TNKS: variants seen among roughly 807,000 people sequenced by gnomAD.
TNKS encodes poly [ADP-ribose] polymerase tankyrase-1.
A neutral mutation model predicts 135.8 loss-of-function variants in TNKS; 72 were observed. The ratio of observed to expected loss-of-function variants is 0.53; its 90% CI spans 0.44 to 0.64. TNKS has a LOEUF of 0.64. Among genes scored for constraint, TNKS ranks in the 30% least tolerant of loss-of-function variants. The pLI, the probability that TNKS is intolerant of heterozygous loss-of-function variation, is 0.00. For synonymous variants in TNKS, 849 were observed against 649.3 expected, an observed-to-expected ratio of 1.31 and a Z score of -4.68; for missense variants, 1,769 against 1,674.0, an observed-to-expected ratio of 1.06 and a Z score of -0.99.
intron 12 of TNKS, among the ~76,000 whole-genome samples, chr8:9,722,066 AAAAG>A (rs1205271588): frequency 1.1e-4 from 8 of 73,600 alleles, no homozygotes; most frequent in Admixed American, 1.9e-4. Flanking sequence ...CAACAAAAAA[AAAAG>A]AAAAGAAAAG....
intron 11 of TNKS, among the ~76,000 whole-genome samples, chr8:9,715,219 C>G (rs959998717): frequency 1.3e-5 from 2 of 152,056 alleles, no homozygotes; most frequent in Non-Finnish European, 2.9e-5. Flanking sequence ...GAGATAGAAG[C>G]AGAGATATAT....
At chr8:9,751,582 G>T in intron 18 of TNKS, 27 bp from the exon 19 acceptor site, 1 of 1,590,494 alleles carries the variant, frequency 6.3e-7, no homozygotes. Flanking sequence ...GTATTTTCAT[G>T]GTTTTTGTTT....
At chr8:9,674,942 G>A (rs977843068) in intron 3 of TNKS, among the ~76,000 whole-genome samples, 2 of 152,084 alleles carry the variant, frequency 1.3e-5, no homozygotes, top group African/African-American at 2.4e-5. Flanking sequence ...ATATCTGATG[G>A]GATTAAAAAG....
chr8:9,759,268 C>T (rs1195756527), intron 20 of TNKS, among the ~76,000 whole-genome samples: 1 of 152,178 alleles, frequency 6.6e-6, no homozygotes, highest in Non-Finnish European at 1.5e-5. Flanking sequence ...CAGTCCAAAG[C>T]GTGAGCGCCC....
chr8:9,734,581 G>A (rs1045020506), intron 15 of TNKS, among the ~76,000 whole-genome samples: 1 of 152,074 alleles, frequency 6.6e-6, no homozygotes, highest in Non-Finnish European at 1.5e-5. Flanking sequence ...AGACAACTTG[G>A]AGTCTGAGAA....
At chr8:9,565,140 G>C (rs1797476611) in intron 1 of TNKS, among the ~76,000 whole-genome samples, 1 of 152,158 alleles carries the variant, frequency 6.6e-6, no homozygotes, top group Non-Finnish European at 1.5e-5. Context: ...GCGAGTTACT[G>C]AGTTCTCTTC....
intron 1 of TNKS, chr8:9,566,636 C>G (rs1338040730): frequency 1.7e-5 from 2 of 117,896 alleles, no homozygotes; most frequent in East Asian, 5.7e-4. Flanking sequence ...GAGTCTCGCT[C>G]TGTCGCCCAG....
intron 3 of TNKS, among the ~76,000 whole-genome samples, chr8:9,645,081 T>A (rs1800871375): frequency 6.6e-6 from 1 of 152,126 alleles, no homozygotes; most frequent in South Asian, 2.1e-4. Context: ...ACTGGTTCTG[T>A]GGTTGCAGAA....
intron 3 of TNKS, among the ~76,000 whole-genome samples, chr8:9,649,501 G>T (rs944599670): frequency 9.9e-5 from 15 of 151,916 alleles, no homozygotes; most frequent in African/African-American, 3.4e-4. Context: ...ATTGTTTTTG[G>T]GGGACAGGTG....
intron 3 of TNKS, among the ~76,000 whole-genome samples, chr8:9,643,905 T>A (rs1369326207): frequency 1.3e-5 from 2 of 152,032 alleles, no homozygotes; most frequent in African/African-American, 4.8e-5. Flanking sequence ...ATAAATAAAA[T>A]GTGGTATGGA....
chr8:9,676,313 C>G (rs1802532333), intron 3 of TNKS, among the ~76,000 whole-genome samples: 1 of 152,038 alleles, frequency 6.6e-6, no homozygotes. Context: ...ATGCCTGGCC[C>G]AGAATTCTTT....
chr8:9,720,170 A>G (rs1804802444), intron 11 of TNKS, among the ~76,000 whole-genome samples: 1 of 152,180 alleles, frequency 6.6e-6, no homozygotes, highest in Non-Finnish European at 1.5e-5. Context: ...GTATGTTGTA[A>G]TTTTCAGTAA....
At chr8:9,568,696 A>G (rs1437470739) in intron 1 of TNKS, among the ~76,000 whole-genome samples, 1 of 152,222 alleles carries the variant, frequency 6.6e-6, no homozygotes, top group Non-Finnish European at 1.5e-5. Context: ...ATTCTGGTAT[A>G]TTGTTTGGGT....
At chr8:9,588,337 G>T (rs1798464599) in intron 2 of TNKS, among the ~76,000 whole-genome samples, 1 of 151,986 alleles carries the variant, frequency 6.6e-6, no homozygotes. Flanking sequence ...TACAATGGCG[G>T]GATCTAGGCT....
intron 5 of TNKS, among the ~76,000 whole-genome samples, chr8:9,698,921 T>C (rs1227758597): frequency 6.6e-6 from 1 of 152,246 alleles, no homozygotes; most frequent in African/African-American, 2.4e-5. Context: ...TAACATTTTA[T>C]GATATGAAGA....
intron 3 of TNKS, among the ~76,000 whole-genome samples, chr8:9,619,546 A>G (rs990697682): frequency 4.6e-5 from 7 of 152,168 alleles, no homozygotes; most frequent in African/African-American, 1.7e-4. Flanking sequence ...TTCCTAGTGT[A>G]TTTAGGGTTA....
At chr8:9,654,819 G>A (rs1488329764) in intron 3 of TNKS, among the ~76,000 whole-genome samples, 2 of 152,230 alleles carry the variant, frequency 1.3e-5, no homozygotes, top group Non-Finnish European at 2.9e-5. Flanking sequence ...CCCAGCGTGA[G>A]CGACACAGAA....
chr8:9,598,352 T>C (rs1798872871), intron 2 of TNKS, among the ~76,000 whole-genome samples: 1 of 152,172 alleles, frequency 6.6e-6, no homozygotes, highest in Admixed American at 6.5e-5. Context: ...CGGCCAGTAA[T>C]GATATACTTT....
At chr8:9,711,693 A>AATCAG (rs779667319) in intron 11 of TNKS, among the ~76,000 whole-genome samples, 1 of 152,244 alleles carries the variant, frequency 6.6e-6, no homozygotes, top group Non-Finnish European at 1.5e-5. Context: ...AAGGAAACAT[A>AATCAG]ATCAGATCCT....
Sources: gnomAD v4.1 joint callset for allele counts (sites outside exome capture counted in the v4.1 genomes callset) on GRCh38, gnomAD v4.1.1 for gene constraint, MANE v1.5 for transcripts, NCBI Gene and HGNC (gene_info 2026-07-23, HGNC 2026-07-21) for gene names.